The following SLC2A10 variants were observed in gnomAD, a reference collection of about 807,000 sequenced individuals.
SLC2A10 encodes the protein solute carrier family 2, facilitated glucose transporter member 10.
SLC2A10 carries 25 observed loss-of-function variants against 32.1 expected under a neutral mutation model. The observed-to-expected ratio is 0.78, with a 90% CI of 0.57 to 1.09. The LOEUF is 1.09. SLC2A10 is among the 50% of genes least tolerant of loss of function. The pLI is 0.00. For missense variants in SLC2A10, 673 were observed against 686.5 expected, an observed-to-expected ratio of 0.98 and a Z score of 0.22; for synonymous variants, 332 against 309.6, an observed-to-expected ratio of 1.07 and a Z score of -0.76.
chr20:46,722,266 C>G (rs748016615), intron 1 of SLC2A10, among the ~76,000 whole-genome samples: 1 of 152,134 alleles, frequency 6.6e-6, no homozygotes, highest in Non-Finnish European at 1.5e-5. Flanking sequence ...AAACCTACCT[C>G]TGAAGGCTGA....
At chr20:46,727,413 C>A (rs535201027) in intron 3 of SLC2A10, among the ~76,000 whole-genome samples, 1 of 152,136 alleles carries the variant, frequency 6.6e-6, no homozygotes, top group Non-Finnish European at 1.5e-5. Flanking sequence ...CTCCACCTCC[C>A]GGGTTCAAAC....
intron 2 of SLC2A10, among the ~76,000 whole-genome samples, chr20:46,726,595 A>C (rs780804302): frequency 3.7e-4 from 56 of 152,228 alleles, no homozygotes; most frequent in Admixed American, 2.0e-3. Context: ...AACTGGAAGG[A>C]ATTTAATGAA....
At chr20:46,718,510 CTTAA>C (rs1979378973) in intron 1 of SLC2A10, among the ~76,000 whole-genome samples, 1 of 152,128 alleles carries the variant, frequency 6.6e-6, no homozygotes, top group Non-Finnish European at 1.5e-5. Context: ...CACACAAAGA[CTTAA>C]TTAATTTACT....
Position 46,709,666 on chromosome 20 carries a change from T to C in SLC2A10, c.-71T>C, listed in dbSNP as rs972630903. The C allele has an allele frequency of 6.6e-6, 10 of 1,522,920 alleles. No individual in the cohort carries two copies. The highest frequency in any genetic ancestry group is 6.0e-5 in the Admixed American group (3 of 49,636). The allele number at this position is 1,522,920 out of a possible 1,614,324, so 94.3% of individuals were successfully genotyped here. On this transcript the variant is annotated 5_prime_UTR_variant, in exon 1 of 5. Transcript: ENST00000359271. The stretch of plus-strand genomic sequence containing the variant: ...GAAAGTTTGTCCGGCGGCAGCGGCG[T>C]TGGGGACTCCGGCGGGGGATGCGCG...
chr20:46,713,417 A>G (rs1600656003), intron 1 of SLC2A10, among the ~76,000 whole-genome samples: 1 of 151,600 alleles, frequency 6.6e-6, no homozygotes, highest in East Asian at 2.0e-4. Context: ...GGAAGGAAGG[A>G]ACTGTTGGCA....
chr20:46,727,187 C>T (rs1980021914), intron 3 of SLC2A10, among the ~76,000 whole-genome samples: 1 of 151,402 alleles, frequency 6.6e-6, no homozygotes, highest in South Asian at 2.1e-4. Context: ...ATGGTCTACA[C>T]CCAGTACTGG....
At chr20:46,728,203 G>C (rs144086079) in intron 3 of SLC2A10, among the ~76,000 whole-genome samples, 433 of 152,250 alleles carry the variant, frequency 2.8e-3, no homozygotes, top group African/African-American at 9.9e-3. Flanking sequence ...TCCAGCCAGG[G>C]AGTCAAAAGA....
rs1980549231 is a variant in SLC2A10, at chr20:46,736,040, A to G, written c.*2206A>G. 6.6e-6 allele frequency: 1 copy of G among 152,218 alleles called. No individual in the cohort carries two copies. Among genetic ancestry groups the G allele is most frequent in the African/African-American group, 2.4e-5 (1 of 41,458 alleles). The allele number at this position is 152,218 out of a possible 1,614,324, so 9.4% of individuals were successfully genotyped here. On this transcript the variant is annotated 3_prime_UTR_variant, in exon 5 of 5. Coordinates refer to ENST00000359271, the MANE Select transcript of SLC2A10 (RefSeq NM_030777.4). ...TCTAATTTTGTCAAATCATGGCCAA[A>G]TCGCAGTGATAGTTGACTTTGGATA...
intron 4 of SLC2A10, among the ~76,000 whole-genome samples, chr20:46,731,129 G>T (rs558211978): frequency 2.0e-5 from 3 of 152,296 alleles, no homozygotes; most frequent in South Asian, 2.1e-4. Context: ...TCCAAATGTC[G>T]GTTGGGGGTC....
At chr20:46,716,295 A>G (rs1979236373) in intron 1 of SLC2A10, among the ~76,000 whole-genome samples, 1 of 151,982 alleles carries the variant, frequency 6.6e-6, no homozygotes, top group South Asian at 2.1e-4. Flanking sequence ...CTGGGATTAC[A>G]GGTGCATGCC....
At chr20:46,727,779 C>CA (rs1218477270) in intron 3 of SLC2A10, among the ~76,000 whole-genome samples, 4 of 152,348 alleles carry the variant, frequency 2.6e-5, no homozygotes, top group African/African-American at 9.6e-5. Context: ...CCCTGGTCTT[C>CA]AGTGGGTATT....
chr20:46,719,803 C>T (rs866796380), intron 1 of SLC2A10, among the ~76,000 whole-genome samples: 29 of 152,318 alleles, frequency 1.9e-4, no homozygotes, highest in Middle Eastern at 3.4e-3. Flanking sequence ...GGTACTTCTC[C>T]TTGAGCATAC....
At chr20:46,710,913 C>G (rs991302384) in intron 1 of SLC2A10, among the ~76,000 whole-genome samples, 22 of 151,674 alleles carry the variant, frequency 1.5e-4, no homozygotes, top group African/African-American at 5.3e-4. Flanking sequence ...ATCACTCTGT[C>G]GCCAGGCTGG....
intron 1 of SLC2A10, 137 bp downstream of exon 1, chr20:46,709,877 G>C: frequency 9.6e-7 from 1 of 1,038,428 alleles, no homozygotes; most frequent in South Asian, 1.4e-5. Context: ...CTCTCGGGTG[G>C]CCAGCCCGAG....
In SLC2A10 at chr20:46,725,483, C is replaced by G. The variant is rs1245157888; in HGVS notation, c.447C>G (p.Leu149=). 2.5e-6 allele frequency: 4 copies of G among 1,614,064 alleles called. No individual in the cohort carries two copies. The highest frequency in any genetic ancestry group is 2.2e-5 in the East Asian group (1 of 44,892). ...CAGGCATCACCGTGGGCATCCTGCT[C>G]TCCTATGCCCTCAACTATGCACTGG... ...YEAGITVGIL[L]SYALNYALAG... is the part of the protein sequence containing the mutation. Residue 149 remains leucine (L), a synonymous_variant, in exon 2 of 5, where the codon CTC becomes CTG. Transcript: ENST00000359271.
intron 1 of SLC2A10, among the ~76,000 whole-genome samples, chr20:46,712,651 C>CTTTTTTTTTTTTTTTTTTTT (rs11477202): frequency 9.5e-5 from 9 of 94,424 alleles, no homozygotes; most frequent in Admixed American, 2.7e-4. Context: ...TTCTTTCTTT[C>CTTTTTTTTTTTTTTTTTTTT]TTTTTTTTTT....
chr20:46,715,925 G>A (rs1979212093), intron 1 of SLC2A10, among the ~76,000 whole-genome samples: 1 of 151,408 alleles, frequency 6.6e-6, no homozygotes, highest in African/African-American at 2.4e-5. Context: ...TCAAACTCCT[G>A]GGCTCAAGCG....
intron 1 of SLC2A10, among the ~76,000 whole-genome samples, chr20:46,724,833 A>T (rs1329354056): frequency 1.4e-5 from 2 of 145,932 alleles, no homozygotes; most frequent in East Asian, 2.2e-4. Context: ...GGATGGATGG[A>T]TGGATGGATG....
In SLC2A10 at chr20:46,726,329, G is replaced by A; in HGVS notation, c.1288+5G>A. 1 of 1,606,692 alleles carries A rather than the reference G, an allele frequency of 6.2e-7. No homozygotes were observed. The highest frequency in any genetic ancestry group is 1.1e-5 in the South Asian group (1 of 91,070). ...TCTCCTTTGGGTTTGGGCCAGGTAA[G>A]TGGAGTTTTCTTGCAGGTGACTCTG... On this transcript the variant is annotated splice_donor_5th_base_variant and intron_variant, in intron 2 of 4. Transcript: ENST00000359271.
Sources: gnomAD v4.1 joint callset for allele counts (sites outside exome capture counted in the v4.1 genomes callset) on GRCh38, gnomAD v4.1.1 for gene constraint, MANE v1.5 for transcripts, NCBI Gene and HGNC (gene_info 2026-07-23, HGNC 2026-07-21) for gene names.